CHST13: variants seen among roughly 807,000 people sequenced by gnomAD.
CHST13 encodes C4ST-3.
A neutral mutation model predicts 7.0 loss-of-function variants in CHST13; 1 was observed. That is an observed-to-expected ratio of 0.14 (90% confidence interval 0.05 to 0.68). CHST13 has a LOEUF of 0.68. CHST13 is among the 30% of genes least tolerant of loss of function. CHST13 has a pLI of 0.82. For missense variants in CHST13, 572 were observed against 507.9 expected (o/e 1.13, Z -1.21); for synonymous variants, 257 against 240.9 (o/e 1.07, Z -0.62).
chr3:126,540,239 C>A (rs970347159), intron 2 of CHST13, among the ~76,000 whole-genome samples: 32 of 152,192 alleles, frequency 2.1e-4, no homozygotes, highest in Non-Finnish European at 3.5e-4. Context: ...AACTCACATA[C>A]CATACAACTC....
Position 126,524,446 on chromosome 3 carries a change from C to G in CHST13, c.97+17C>G. 1.0e-6 allele frequency: 1 copy of G among 993,624 alleles called. No individual in the cohort carries two copies. The highest frequency in any genetic ancestry group is 5.1e-5 in the South Asian group (1 of 19,796). The allele number at this position is 993,624 out of a possible 1,614,324, so 61.6% of individuals were successfully genotyped here. On this transcript the variant is annotated intron_variant, in intron 1 of 2. Transcript: ENST00000319340. ...TGCGCCCGGGTGAGTGCCCGCCGGC[C>G]GAGCCGCGCACCCCCAACCAAACCT... is the stretch of plus-strand genomic sequence containing the variant.
At position 126,542,296 on chromosome 3, in the gene CHST13, G is replaced by T; in HGVS notation, c.744G>T (p.Glu248Asp). 6.4e-7 allele frequency: 1 copy of T among 1,564,466 alleles called. No individual in the cohort carries two copies. The highest frequency in any genetic ancestry group is 1.4e-5 in the African/African-American group (1 of 71,792). The change falls in exon 3 of 3, where the codon GAG (glutamate) becomes GAT (aspartate). Residue 248 changes from glutamate to aspartate, a missense_variant. Coordinates refer to ENST00000319340, the MANE Select transcript of CHST13 (RefSeq NM_152889.3). ...RREEPFNEHW[E>D]RAHALCHPCR... is the part of the protein sequence containing the mutation. ...AGGAGCCCTTCAACGAGCACTGGGA[G>T]CGCGCGCACGCGCTCTGCCACCCGT...
chr3:126,530,522 G>A (rs1936635661), intron 1 of CHST13, among the ~76,000 whole-genome samples: 1 of 152,208 alleles, frequency 6.6e-6, no homozygotes, highest in South Asian at 2.1e-4. Context: ...TCAGTCCCCA[G>A]CCACAGTTCC....
chr3:126,537,149 A>G (rs567749400), intron 2 of CHST13, among the ~76,000 whole-genome samples: 53 of 152,272 alleles, frequency 3.5e-4, no homozygotes, highest in African/African-American at 1.2e-3. Context: ...CTCTCCTGAG[A>G]GGATCCTAGT....
In CHST13 at chr3:126,542,583, C is replaced by T; in HGVS notation, c.*5C>T. The T allele has an allele frequency of 1.4e-6, 2 of 1,467,932 alleles. No homozygotes were observed. The highest frequency in any genetic ancestry group is 1.8e-6 in the Non-Finnish European group (2 of 1,112,026). 90.9% of individuals were successfully genotyped at this position (1,467,932 alleles called of 1,614,324 possible). ...TCCTACCTGCGGCTGCTCTAGCGGT[C>T]CTGGAGGTCCTGTGGCCACGCGGGG... On this transcript the variant is annotated 3_prime_UTR_variant, in exon 3 of 3. Transcript: ENST00000319340.
At chr3:126,536,913 ACACACACACACCC>A (rs2107568891) in intron 2 of CHST13, among the ~76,000 whole-genome samples, 1 of 151,244 alleles carries the variant, frequency 6.6e-6, no homozygotes, top group African/African-American at 2.4e-5. Flanking sequence ...ACACACACAC[ACACACACACACCC>A]CACACACACA....
intron 1 of CHST13, among the ~76,000 whole-genome samples, chr3:126,531,654 T>G (rs184157498): frequency 6.6e-6 from 1 of 152,378 alleles, no homozygotes; most frequent in Non-Finnish European, 1.5e-5. Context: ...TTCATTCCTT[T>G]TATGGCCAAT....
At chr3:126,535,113 G>A (rs1315296495) in intron 1 of CHST13, among the ~76,000 whole-genome samples, 1 of 103,294 alleles carries the variant, frequency 9.7e-6, no homozygotes, top group Non-Finnish European at 1.9e-5. Context: ...CAGCATCACT[G>A]TCCTCAGCTG....
intron 1 of CHST13, among the ~76,000 whole-genome samples, chr3:126,524,760 C>T (rs1936503729): frequency 1.3e-5 from 2 of 152,174 alleles, no homozygotes; most frequent in East Asian, 3.9e-4. Flanking sequence ...TACCTTCACC[C>T]CCTTCCCCTG....
chr3:126,534,798 C>G (rs1186726645), intron 1 of CHST13, among the ~76,000 whole-genome samples: 2 of 149,852 alleles, frequency 1.3e-5, no homozygotes, highest in Non-Finnish European at 1.5e-5. Flanking sequence ...GAAAAACAGA[C>G]AGCATCCCTG....
chr3:126,543,069 G>A lies in CHST13; in HGVS notation c.*491G>A, dbSNP rs138379461. 7.5e-3 allele frequency: 1,140 copies of A among 152,402 alleles called. 11 individuals are homozygous for A. The highest frequency in any genetic ancestry group is 0.01 in the Non-Finnish European group (682 of 68,128). The allele number at this position is 152,402 out of a possible 1,614,324, so 9.4% of individuals were successfully genotyped here. On this transcript the variant is annotated 3_prime_UTR_variant, in exon 3 of 3. Coordinates refer to ENST00000319340, the MANE Select transcript of CHST13 (RefSeq NM_152889.3). ...GCTGGCCTCACGATGGGGCCGTCCCGGGAGCCAGGTGGGAGCTGCCTTCCA... is the reference window on the plus strand; with the variant it reads ...GCTGGCCTCACGATGGGGCCGTCCCAGGAGCCAGGTGGGAGCTGCCTTCCA...
At chr3:126,536,388 C>T (rs375884058) in intron 2 of CHST13, 35 bp downstream of exon 2, 2 of 1,543,690 alleles carry the variant, frequency 1.3e-6, no homozygotes, top group African/African-American at 1.4e-5. Flanking sequence ...GGCATGCCCC[C>T]CTCCATCCCA....
chr3:126,529,428 G>T, intron 1 of CHST13: 1 of 1,282,878 alleles, frequency 7.8e-7, no homozygotes, highest in Non-Finnish European at 1.0e-6. Flanking sequence ...CCAGAGGCAG[G>T]GCAGCATGGG....
chr3:126,524,322 C>T lies in CHST13; in HGVS notation c.-11C>T, dbSNP rs1576742017. The T allele has an allele frequency of 8.1e-7, 1 of 1,234,116 alleles. No homozygotes were observed. Among genetic ancestry groups the T allele is most frequent in the Non-Finnish European group, 1.0e-6 (1 of 989,276 alleles). 76.4% of individuals were successfully genotyped at this position (1,234,116 alleles called of 1,614,324 possible). On this transcript the variant is annotated 5_prime_UTR_variant, in exon 1 of 3. Coordinates refer to ENST00000319340, the MANE Select transcript of CHST13 (RefSeq NM_152889.3). ...CCAGCGGACTGTCCTCCGCCGCGCGCCCGGCACAGCATGGGGAGGCGCTGC... is the reference window on the plus strand; with the variant it reads ...CCAGCGGACTGTCCTCCGCCGCGCGTCCGGCACAGCATGGGGAGGCGCTGC...
Position 126,524,272 on chromosome 3 carries a change from A to G in CHST13, c.-61A>G. ...CGCTGCCGGGGCCGGGTCCTGGGCC[A>G]GTGCAACTCCGCCCCCAGCCGTATC... On this transcript the variant is annotated 5_prime_UTR_variant, in exon 1 of 3. Coordinates refer to ENST00000319340, the MANE Select transcript of CHST13 (RefSeq NM_152889.3). The G allele has an allele frequency of 8.4e-7, 1 of 1,190,534 alleles. No homozygotes were observed. Among genetic ancestry groups the G allele is most frequent in the Non-Finnish European group, 1.0e-6 (1 of 956,396 alleles). 73.7% of individuals were successfully genotyped at this position (1,190,534 alleles called of 1,614,324 possible).
chr3:126,531,391 G>A (rs558662467), intron 1 of CHST13, among the ~76,000 whole-genome samples: 35 of 152,242 alleles, frequency 2.3e-4, no homozygotes, highest in Non-Finnish European at 4.4e-4. Context: ...TCTTCTTAGC[G>A]ACATTTATAG....
chr3:126,527,953 C>T (rs113902142), intron 1 of CHST13: 13 of 152,072 alleles, frequency 8.5e-5, no homozygotes, highest in African/African-American at 2.9e-4. Flanking sequence ...GATTTAAATC[C>T]CAGCTGAAAC....
chr3:126,536,425 G>C, intron 2 of CHST13, 72 bp downstream of exon 2: 1 of 1,200,354 alleles, frequency 8.3e-7, no homozygotes, highest in South Asian at 1.3e-5. Flanking sequence ...CAACAGTGCA[G>C]ACCTGCTGGC....
Position 126,541,933 on chromosome 3 carries a change from G to C in CHST13, c.381G>C (p.Leu127=). The stretch of plus-strand genomic sequence containing the variant: ...ACTGGAAGCGCGTGCTGCTGGCGCT[G>C]AGCGGCCAAGCCCGCGGCGACCCGC... ...CTNWKRVLLA[L]SGQARGDPRA... is the part of the protein sequence containing the mutation. Residue 127 remains leucine (L), a synonymous_variant, in exon 3 of 3, where the codon CTG becomes CTC. Coordinates refer to ENST00000319340, the MANE Select transcript of CHST13 (RefSeq NM_152889.3). 6.3e-7 allele frequency: 1 copy of C among 1,593,290 alleles called. No homozygotes were observed. Among genetic ancestry groups the C allele is most frequent in the Non-Finnish European group, 8.5e-7 (1 of 1,170,960 alleles).
Sources: gnomAD v4.1 joint callset for allele counts (sites outside exome capture counted in the v4.1 genomes callset) on GRCh38, gnomAD v4.1.1 for gene constraint, MANE v1.5 for transcripts, NCBI Gene and HGNC (gene_info 2026-07-23, HGNC 2026-07-21) for gene names.